TANC1: variants seen among roughly 807,000 people sequenced by gnomAD.
TANC1 encodes the protein tetratricopeptide repeat, ankyrin repeat and coiled-coil containing 1, also known as protein TANC1.
In TANC1, 77 loss-of-function variants were observed where a neutral mutation model predicts 149.7. The ratio of observed to expected loss-of-function variants is 0.51; its 90% CI spans 0.43 to 0.62. The LOEUF is 0.62. Ranked by LOEUF, TANC1 falls within the 20% of genes least tolerant of loss-of-function variation. TANC1 has a pLI of 0.00. For synonymous variants in TANC1, 854 were observed against 925.0 expected, an observed-to-expected ratio of 0.92 and a Z score of 1.39; for missense variants, 1,985 against 2,321.8, an observed-to-expected ratio of 0.85 and a Z score of 2.98.
intron 13 of TANC1, among the ~76,000 whole-genome samples, chr2:159,176,834 C>T (rs766533467): frequency 1.3e-5 from 2 of 151,592 alleles, no homozygotes; most frequent in Non-Finnish European, 2.9e-5. Flanking sequence ...TAAAGCTACT[C>T]CTGCTGGTAG....
chr2:159,193,786 G>T (rs1276505789), intron 16 of TANC1, among the ~76,000 whole-genome samples: 1 of 152,124 alleles, frequency 6.6e-6, no homozygotes, highest in African/African-American at 2.4e-5. Flanking sequence ...CTCTCAAAGT[G>T]CTGGAATTAC....
At chr2:159,059,930 G>GTGTGTGTGTGTGTGT (rs3058724) in intron 2 of TANC1, among the ~76,000 whole-genome samples, 3 of 125,088 alleles carry the variant, frequency 2.4e-5, no homozygotes, top group Admixed American at 8.5e-5. Flanking sequence ...GTGTGTGTGT[G>GTGTGTGTGTGTGTGT]GTTTTTTGTT....
At chr2:159,050,421 C>G (rs1456032619) in intron 2 of TANC1, among the ~76,000 whole-genome samples, 2 of 152,222 alleles carry the variant, frequency 1.3e-5, no homozygotes, top group Non-Finnish European at 2.9e-5. Flanking sequence ...GTTATCAGAA[C>G]AGCGTTGCAG....
chr2:159,115,180 G>GTA (rs1574760107), intron 4 of TANC1, among the ~76,000 whole-genome samples: 2 of 151,360 alleles, frequency 1.3e-5, no homozygotes, highest in African/African-American at 4.9e-5. Flanking sequence ...GGGTGTGTGT[G>GTA]TGTGTGTGTG....
chr2:159,145,610 G>A (rs2051980766), intron 5 of TANC1, among the ~76,000 whole-genome samples: 1 of 152,208 alleles, frequency 6.6e-6, no homozygotes, highest in Non-Finnish European at 1.5e-5. Context: ...TGGCAGTCGG[G>A]AGCTGGTCAG....
chr2:158,981,544 A>ATAT (rs1559096628), intron 1 of TANC1, among the ~76,000 whole-genome samples: 10 of 84,694 alleles, frequency 1.2e-4, no homozygotes, highest in Admixed American at 3.9e-4. Context: ...TATATATATA[A>ATAT]AGAAGTAACA....
At chr2:159,058,910 A>T (rs1247389718) in intron 2 of TANC1, among the ~76,000 whole-genome samples, 1 of 152,204 alleles carries the variant, frequency 6.6e-6, no homozygotes, top group Non-Finnish European at 1.5e-5. Context: ...GTGGAAGGTG[A>T]TTTCACCACA....
intron 10 of TANC1, 69 bp downstream of exon 10, chr2:159,170,874 TA>T: frequency 6.5e-7 from 1 of 1,543,014 alleles, no homozygotes; most frequent in South Asian, 1.2e-5. Context: ...GCTGTTCACA[TA>T]GACATAAAAT....
At chr2:159,053,178 C>T (rs1213508842) in intron 2 of TANC1, among the ~76,000 whole-genome samples, 1 of 150,954 alleles carries the variant, frequency 6.6e-6, no homozygotes, top group Non-Finnish European at 1.5e-5. Flanking sequence ...TCTAGCATGC[C>T]TTGTCTGTGA....
rs548610036 is a variant in TANC1, at chr2:159,165,090, ACTTGTG to A, written c.946+1547_946+1552del. Reference sequence around the variant, plus strand: ...TTATTAACTTCAACAAAAATAGTGAACTTGTGCTCAATTTAGTCAAGCTGTTTTAAA... The same window carrying A: ...TTATTAACTTCAACAAAAATAGTGAACTCAATTTAGTCAAGCTGTTTTAAA... On this transcript the variant is annotated intron_variant, in intron 8 of 26. Coordinates refer to ENST00000263635, the MANE Select transcript of TANC1 (RefSeq NM_033394.3). Among the ~76,000 whole-genome samples the A allele has an allele frequency of 1.3e-3, 204 of 152,358 alleles. 1 individual carries two copies. The highest frequency in any genetic ancestry group is 4.8e-3 in the African/African-American group (200 of 41,580).
intron 3 of TANC1, among the ~76,000 whole-genome samples, chr2:159,067,611 T>C (rs1384597391): frequency 6.6e-6 from 1 of 152,214 alleles, no homozygotes; most frequent in African/African-American, 2.4e-5. Flanking sequence ...CAGTTTTGGC[T>C]CATCTGTCAC....
intron 4 of TANC1, among the ~76,000 whole-genome samples, chr2:159,130,816 G>T (rs2049996752): frequency 6.6e-6 from 1 of 152,112 alleles, no homozygotes; most frequent in Admixed American, 6.5e-5. Flanking sequence ...AAGTAGCTGG[G>T]ACTACAGGCG....
chr2:159,198,173 G>A (rs1188603695), intron 18 of TANC1, among the ~76,000 whole-genome samples: 4 of 152,176 alleles, frequency 2.6e-5, no homozygotes, highest in African/African-American at 7.2e-5. Flanking sequence ...GGTTGTGATT[G>A]ATTAGATCAG....
intron 1 of TANC1, among the ~76,000 whole-genome samples, chr2:158,981,518 TATATATATATATATATATATATATAA>T (rs1458817912): frequency 4.2e-5 from 5 of 118,408 alleles, no homozygotes; most frequent in South Asian, 2.6e-4. Context: ...TATATATATA[TATATATATATATATATATATATATAA>T]AGAAGTAACA....
intron 3 of TANC1, among the ~76,000 whole-genome samples, chr2:159,082,279 G>T (rs1204912725): frequency 6.6e-6 from 1 of 151,990 alleles, no homozygotes; most frequent in South Asian, 2.1e-4. Flanking sequence ...GCGGGCAGCT[G>T]CCCACTGCCA....
Position 159,230,394 on chromosome 2 carries a change from C to T in TANC1, c.4968C>T (p.His1656=), listed in dbSNP as rs1319446968. The change falls in exon 27 of 27, where the codon CAC becomes CAT. Residue 1656 remains histidine, a synonymous_variant. Coordinates refer to ENST00000263635, the MANE Select transcript of TANC1 (RefSeq NM_033394.3). This position sits in a 1 kb window ranked among gnomAD's most constrained non-coding sequence, Gnocchi z 4.4. ...TGGCGACCTGCAGCGACGTGCGACA[C>T]CCAGCTTCCCTCACCAGCTCAGGCT... ...GGLATCSDVR[H]PASLTSSGSS... 9 of 1,614,068 alleles carry T rather than the reference C, an allele frequency of 5.6e-6. No individual in the cohort carries two copies. Among genetic ancestry groups the T allele is most frequent in the Admixed American group, 1.7e-5 (1 of 60,012 alleles).
intron 13 of TANC1, 136 bp downstream of exon 13, chr2:159,176,654 C>T: frequency 1.4e-6 from 1 of 699,520 alleles, no homozygotes; most frequent in Non-Finnish European, 2.3e-6. Context: ...AAAACTAGTC[C>T]AGAGAGCCAG....
intron 11 of TANC1, among the ~76,000 whole-genome samples, chr2:159,172,760 T>A (rs1008229805): frequency 6.6e-6 from 1 of 152,210 alleles, no homozygotes; most frequent in Non-Finnish European, 1.5e-5. Context: ...CTTTCTGAAG[T>A]TTTTCTTCTG....
At chr2:159,135,833 C>CA (rs1176033550) in intron 4 of TANC1, among the ~76,000 whole-genome samples, 1 of 152,206 alleles carries the variant, frequency 6.6e-6, no homozygotes, top group Admixed American at 6.5e-5. Context: ...CAAAGCAGTC[C>CA]AGGTTTGAAC....
Sources: gnomAD v4.1 joint callset for allele counts (sites outside exome capture counted in the v4.1 genomes callset) on GRCh38, gnomAD v4.1.1 for gene constraint, Gnocchi (gnomAD v3.1) non-coding constraint, MANE v1.5 for transcripts, NCBI Gene and HGNC (gene_info 2026-07-23, HGNC 2026-07-21) for gene names.